ADCY2: variants seen among roughly 807,000 people sequenced by gnomAD.
The protein encoded by ADCY2 is adenylate cyclase type 2.
In ADCY2, 31 loss-of-function variants were observed where a neutral mutation model predicts 125.2. That is an observed-to-expected ratio of 0.25 (90% CI 0.19 to 0.33). The LOEUF (loss-of-function observed/expected upper bound fraction) is 0.33. Among genes scored for constraint, ADCY2 ranks in the 10% least tolerant of loss-of-function variants. The probability of loss-of-function intolerance (pLI) is 1.00; values close to 1 mark genes in which losing one functional copy is unlikely to be tolerated. For missense variants in ADCY2, 904 were observed against 1,418.2 expected (o/e 0.64, Z 5.82); for synonymous variants, 512 against 548.4 (o/e 0.93, Z 0.93).
At chr5:7,573,593 C>CTTTTTTTT (rs763347773) in intron 3 of ADCY2, among the ~76,000 whole-genome samples, 16 of 86,376 alleles carry the variant, frequency 1.9e-4, no homozygotes, top group Admixed American at 2.6e-4. Flanking sequence ...GGTTGATTTT[C>CTTTTTTTT]TTTTTTTTTT....
intron 5 of ADCY2, chr5:7,691,374 A>G (rs1006721039): frequency 6.6e-6 from 1 of 152,270 alleles, no homozygotes; most frequent in African/African-American, 2.4e-5. Context: ...ATTTACCGTG[A>G]AAGTTACTGC....
At chr5:7,754,586 A>G (rs1742927111) in intron 15 of ADCY2, among the ~76,000 whole-genome samples, 2 of 152,214 alleles carry the variant, frequency 1.3e-5, no homozygotes, top group African/African-American at 4.8e-5. Flanking sequence ...ATTTGTGAGA[A>G]TCAAACCAAA....
chr5:7,618,750 G>A (rs532895055), intron 3 of ADCY2, among the ~76,000 whole-genome samples: 1 of 152,298 alleles, frequency 6.6e-6, no homozygotes, highest in South Asian at 2.1e-4. Flanking sequence ...GAATTAGAGT[G>A]TGTTAAAATT....
intron 3 of ADCY2, among the ~76,000 whole-genome samples, chr5:7,555,255 C>G (rs1735469012): frequency 6.6e-6 from 1 of 152,170 alleles, no homozygotes. Context: ...CAGTTACCGC[C>G]ATTCATTCGT....
chr5:7,543,536 A>T (rs1735058058), intron 3 of ADCY2, among the ~76,000 whole-genome samples: 1 of 152,176 alleles, frequency 6.6e-6, no homozygotes, highest in African/African-American at 2.4e-5. Context: ...AGGTTCCCCA[A>T]CAGTTAGTGA....
chr5:7,720,528 C>T (rs373831302), intron 12 of ADCY2, among the ~76,000 whole-genome samples: 3 of 152,130 alleles, frequency 2.0e-5, no homozygotes, highest in African/African-American at 7.2e-5. Flanking sequence ...GGTATATCTC[C>T]TAATGCTATC....
chr5:7,533,036 T>C (rs1404155905), intron 3 of ADCY2, among the ~76,000 whole-genome samples: 2 of 149,746 alleles, frequency 1.3e-5, no homozygotes, highest in Non-Finnish European at 3.0e-5. Flanking sequence ...TATATATGTA[T>C]ATAAACATTT....
At chr5:7,707,495 C>T (rs540543939) in intron 8 of ADCY2, among the ~76,000 whole-genome samples, 3 of 152,306 alleles carry the variant, frequency 2.0e-5, no homozygotes, top group Non-Finnish European at 2.9e-5. Context: ...ATGCAGGTTT[C>T]GGTGAGTGCA....
At chr5:7,612,993 CA>C (rs1737619886) in intron 3 of ADCY2, among the ~76,000 whole-genome samples, 1 of 152,020 alleles carries the variant, frequency 6.6e-6, no homozygotes, top group Non-Finnish European at 1.5e-5. Flanking sequence ...TCCAGTCCTC[CA>C]GCCCTCCAGC....
At chr5:7,652,067 G>C (rs954712256) in intron 4 of ADCY2, among the ~76,000 whole-genome samples, 1 of 152,150 alleles carries the variant, frequency 6.6e-6, no homozygotes, top group Non-Finnish European at 1.5e-5. Flanking sequence ...CTCCCAAAGT[G>C]CTGGGATTAC....
intron 3 of ADCY2, among the ~76,000 whole-genome samples, chr5:7,524,058 C>G (rs943685101): frequency 6.6e-6 from 1 of 152,232 alleles, no homozygotes; most frequent in Middle Eastern, 3.4e-3. Context: ...TAAGAGAGTT[C>G]ATTGTTCTCG....
At chr5:7,633,290 G>A (rs1328908930) in intron 4 of ADCY2, among the ~76,000 whole-genome samples, 1 of 151,908 alleles carries the variant, frequency 6.6e-6, no homozygotes. Flanking sequence ...AATTAGCTGG[G>A]TGTGGTGGTG....
At chr5:7,653,625 A>T (rs1397201686) in intron 4 of ADCY2, among the ~76,000 whole-genome samples, 2 of 151,940 alleles carry the variant, frequency 1.3e-5, no homozygotes, top group Non-Finnish European at 2.9e-5. Flanking sequence ...AAAAACGTGA[A>T]GAATTTGTTC....
chr5:7,421,907 C>T (rs1740219391), intron 2 of ADCY2, among the ~76,000 whole-genome samples: 1 of 152,198 alleles, frequency 6.6e-6, no homozygotes, highest in Non-Finnish European at 1.5e-5. Context: ...GTGTGAATAT[C>T]ATGTTGAAAC....
chr5:7,607,739 A>T (rs1737428391), intron 3 of ADCY2, among the ~76,000 whole-genome samples: 1 of 152,202 alleles, frequency 6.6e-6, no homozygotes, highest in African/African-American at 2.4e-5. Flanking sequence ...TTTTTATTTG[A>T]TTCATTATAG....
At chr5:7,544,897 T>C (rs1320333034) in intron 3 of ADCY2, among the ~76,000 whole-genome samples, 2 of 152,010 alleles carry the variant, frequency 1.3e-5, no homozygotes, top group Non-Finnish European at 2.9e-5. Context: ...CTGACTCCCA[T>C]GGAGAAAGCA....
chr5:7,577,654 C>A (rs951179150), intron 3 of ADCY2, among the ~76,000 whole-genome samples: 1 of 151,828 alleles, frequency 6.6e-6, no homozygotes, highest in African/African-American at 2.4e-5. Context: ...CTGCGTATGC[C>A]GTGTCCCCTA....
chr5:7,480,795 G>T (rs1238168304), intron 2 of ADCY2, among the ~76,000 whole-genome samples: 1 of 152,176 alleles, frequency 6.6e-6, no homozygotes, highest in Non-Finnish European at 1.5e-5. Flanking sequence ...CTTCCACATT[G>T]TTGCAAATGA....
chr5:7,612,940 C>T (rs535416701), intron 3 of ADCY2, among the ~76,000 whole-genome samples: 6 of 152,138 alleles, frequency 3.9e-5, no homozygotes, highest in African/African-American at 7.2e-5. Flanking sequence ...GGCGTGAACC[C>T]GGGAGGCGGA....
Sources: gnomAD v4.1 joint callset for allele counts (sites outside exome capture counted in the v4.1 genomes callset) on GRCh38, gnomAD v4.1.1 for gene constraint, MANE v1.5 for transcripts, NCBI Gene and HGNC (gene_info 2026-07-23, HGNC 2026-07-21) for gene names.